FRMD6: variants seen among roughly 807,000 people sequenced by gnomAD.
FRMD6 encodes FERM domain-containing protein 6.
FRMD6 carries 37 observed loss-of-function variants against 73.2 expected under a neutral mutation model. The observed-to-expected ratio is 0.51, with a 90% CI of 0.39 to 0.66. FRMD6 has a LOEUF of 0.66. FRMD6 is among the 30% of genes least tolerant of loss of function. The pLI is 0.00. For missense variants in FRMD6, 714 were observed against 780.5 expected (o/e 0.91, Z 1.02); for synonymous variants, 273 against 282.2 (o/e 0.97, Z 0.33).
chr14:51,409,354 T>C, the FRMD6 span, among the ~76,000 whole-genome samples: 6 of 145,694 alleles, frequency 4.1e-5, no homozygotes, highest in Non-Finnish European at 7.6e-5. Context: ...TTTTTTTTTT[T>C]TTTTTTTGCC....
chr14:51,411,358 A>G, the FRMD6 span, among the ~76,000 whole-genome samples: 1 of 152,188 alleles, frequency 6.6e-6, no homozygotes, highest in East Asian at 1.9e-4. Context: ...AAAAGCAGAA[A>G]CTGGGAAGTA....
In FRMD6 at chr14:51,494,494, A is replaced by G. The variant is rs146305520; in HGVS notation, c.-210+5074A>G. On this transcript the variant is annotated intron_variant, in intron 1 of 14. Coordinates refer to the FRMD6 transcript ENST00000356218. ...TGGCTTGATGCTGTGCCCTCCAGGCACACTGGGGCAGAGACTCTGCCTTCT... is the reference window on the plus strand; with the variant it reads ...TGGCTTGATGCTGTGCCCTCCAGGCGCACTGGGGCAGAGACTCTGCCTTCT... Among the ~76,000 whole-genome samples the G allele has an allele frequency of 6.6e-5, 10 of 152,370 alleles. No homozygotes were observed. In the East Asian group the frequency reaches 1.9e-3, roughly 29 times the overall value.
chr14:51,549,591 C>CTT lies in FRMD6; in HGVS notation c.-209-20755_-209-20754dup, dbSNP rs1168905376. Among the ~76,000 whole-genome samples, 309 of 93,570 alleles carry CTT rather than the reference C, an allele frequency of 3.3e-3. 12 individuals carry two copies. Among genetic ancestry groups the CTT allele is most frequent in the Middle Eastern group, 0.021 (3 of 144 alleles). The allele number at this position is 93,570 out of a possible 152,430, so 61.4% of individuals were successfully genotyped here. ...CAGCTGGAGTATAAACTTTTTTTTT[C>CTT]TTTCTTTTTTTTTTTTTTTTTTTTG... is the stretch of plus-strand genomic sequence containing the variant. On this transcript the variant is annotated intron_variant, in intron 1 of 14. Transcript: ENST00000356218.
chr14:51,536,974 A>G (rs1472664095), intron 1 of FRMD6, among the ~76,000 whole-genome samples: 1 of 152,212 alleles, frequency 6.6e-6, no homozygotes, highest in Non-Finnish European at 1.5e-5. Flanking sequence ...CCAACTATCA[A>G]CATTCCCCAC....
chr14:51,611,280 C>A (rs1045347749), intron 2 of FRMD6, among the ~76,000 whole-genome samples: 4 of 152,132 alleles, frequency 2.6e-5, no homozygotes, highest in Non-Finnish European at 4.4e-5. Context: ...CAGAACTTCC[C>A]ATAGAAATTC....
intron 1 of FRMD6, among the ~76,000 whole-genome samples, chr14:51,673,337 T>G (rs4277270): frequency 0.8 from 120,872 of 151,874 alleles, 48,363 homozygotes; most frequent in Non-Finnish European, 0.84. Context: ...AAGATCTTTG[T>G]ACCTCTATCT....
chr14:51,558,197 G>A (rs914013010), intron 1 of FRMD6, among the ~76,000 whole-genome samples: 4 of 152,134 alleles, frequency 2.6e-5, no homozygotes, highest in African/African-American at 4.8e-5. Flanking sequence ...GGCCGGGCAC[G>A]ATGGCTCACA....
the FRMD6 span, among the ~76,000 whole-genome samples, chr14:51,418,695 C>T: frequency 5.3e-5 from 8 of 152,216 alleles, no homozygotes; most frequent in African/African-American, 1.9e-4. Context: ...CTGGGAGAAC[C>T]ACTGCTCTCT....
chr14:51,521,537 A>G (rs1884953588), intron 1 of FRMD6, among the ~76,000 whole-genome samples: 1 of 152,092 alleles, frequency 6.6e-6, no homozygotes, highest in South Asian at 2.1e-4. Flanking sequence ...GTCTTTCAGT[A>G]GAGAACAGTA....
chr14:51,553,307 A>C (rs1886942784), intron 1 of FRMD6, among the ~76,000 whole-genome samples: 1 of 152,154 alleles, frequency 6.6e-6, no homozygotes, highest in African/African-American at 2.4e-5. Flanking sequence ...AATGCCCTTA[A>C]CTCTGCAGGA....
intron 2 of FRMD6, among the ~76,000 whole-genome samples, chr14:51,577,088 T>G (rs1243767956): frequency 6.6e-6 from 1 of 152,210 alleles, no homozygotes; most frequent in Non-Finnish European, 1.5e-5. Flanking sequence ...GGTGAAATTT[T>G]AATAACTGTT....
chr14:51,567,062 G>A (rs1012022639), intron 1 of FRMD6, among the ~76,000 whole-genome samples: 2 of 152,302 alleles, frequency 1.3e-5, no homozygotes, highest in South Asian at 4.1e-4. Flanking sequence ...ATGGGAGGTG[G>A]GGAAGGAGTA....
At chr14:51,633,598 CAAAAAA>C (rs375453243) in intron 2 of FRMD6, among the ~76,000 whole-genome samples, 4 of 45,870 alleles carry the variant, frequency 8.7e-5, no homozygotes, top group African/African-American at 2.4e-4. Flanking sequence ...AAGACCCTGT[CAAAAAA>C]AAAAAAAAAA....
At chr14:51,549,761 AG>A (rs777504306) in intron 1 of FRMD6, among the ~76,000 whole-genome samples, 1 of 151,684 alleles carries the variant, frequency 6.6e-6, no homozygotes, top group Non-Finnish European at 1.5e-5. Context: ...TCGCCCGGCT[AG>A]TTTTTTGTAT....
At chr14:51,599,533 ACAAT>A (rs1435617816) in intron 2 of FRMD6, among the ~76,000 whole-genome samples, 1 of 152,220 alleles carries the variant, frequency 6.6e-6, no homozygotes, top group Non-Finnish European at 1.5e-5. Context: ...AACAAAAGAA[ACAAT>A]CAACAGAGTA....
At chr14:51,608,277 C>T (rs376286847) in intron 2 of FRMD6, among the ~76,000 whole-genome samples, 33 of 152,272 alleles carry the variant, frequency 2.2e-4, no homozygotes, top group African/African-American at 7.7e-4. Flanking sequence ...GTGATTAAAA[C>T]AACACAGACA....
At chr14:51,522,776 G>T (rs1234690656) in intron 1 of FRMD6, 1 of 152,176 alleles carries the variant, frequency 6.6e-6, no homozygotes, top group African/African-American at 2.4e-5. Context: ...GCCTAGAGGA[G>T]TCAGACCTAA....
chr14:51,582,312 T>C (rs577738194), intron 2 of FRMD6, among the ~76,000 whole-genome samples: 3 of 152,264 alleles, frequency 2.0e-5, no homozygotes, highest in African/African-American at 7.2e-5. Flanking sequence ...ACCTTGTCCG[T>C]CAGGATAGTC....
chr14:51,471,528 T>G, the FRMD6 span, among the ~76,000 whole-genome samples: 1 of 152,046 alleles, frequency 6.6e-6, no homozygotes, highest in African/African-American at 2.4e-5. Flanking sequence ...ATTGATGTCT[T>G]CCTGATGAAT....
Sources: allele counts gnomAD v4.1 joint callset (sites outside exome capture counted in the v4.1 genomes callset), GRCh38; gene constraint gnomAD v4.1.1; transcripts MANE v1.5; gene names NCBI Gene and HGNC (gene_info 2026-07-23, HGNC 2026-07-21).